Variants in CD8A observed in about 807,000 individuals in gnomAD.
CD8A encodes the protein T-cell surface glycoprotein CD8 alpha chain.
CD8A carries 25 observed loss-of-function variants against 24.2 expected under a neutral mutation model. The ratio of observed to expected loss-of-function variants is 1.03; its 90% CI spans 0.75 to 1.44. The LOEUF (loss-of-function observed/expected upper bound fraction) is 1.44, where lower values mean the gene tolerates loss of function less well. Among genes scored for constraint, CD8A ranks in the 40% most tolerant of loss-of-function variants. The pLI is 0.00. For synonymous variants in CD8A, 165 were observed against 149.9 expected, an observed-to-expected ratio of 1.10 and a Z score of -0.74; for missense variants, 360 against 319.7, an observed-to-expected ratio of 1.13 and a Z score of -0.96.
intron 5 of CD8A, among the ~76,000 whole-genome samples, chr2:86,787,742 G>A (rs1345972482): frequency 6.6e-6 from 1 of 152,204 alleles, no homozygotes; most frequent in Non-Finnish European, 1.5e-5. Flanking sequence ...CCTGAGCCAT[G>A]AGATGGCACA....
chr2:86,792,991 A>G (rs1009092123), upstream of CD8A, among the ~76,000 whole-genome samples: 1 of 151,722 alleles, frequency 6.6e-6, no homozygotes, highest in Non-Finnish European at 1.5e-5. Context: ...CCCTGTCTCA[A>G]CTCTCCTCAC....
Position 86,806,563 on chromosome 2 carries a change from C to G in CD8A, c.-418+884G>C, listed in dbSNP as rs6754318. Among the ~76,000 whole-genome samples, 1,433 of 152,332 alleles carry G rather than the reference C, an allele frequency of 9.4e-3. 29 individuals are homozygous for G. Among genetic ancestry groups the G allele is most frequent in the African/African-American group, 0.032 (1,324 of 41,576 alleles). On this transcript the variant is annotated intron_variant, in intron 2 of 8. Transcript: ENST00000409511. ...AGGAAAAAGAGGAACGAGCTGCTCC[C>G]TCCACACCTCAGACGCTGAGGTCAA...
Position 86,789,549 on chromosome 2 carries a change from C to T in CD8A, c.514+91G>A, listed in dbSNP as rs374001337. On this transcript the variant is annotated intron_variant, in intron 3 of 5. Transcript: ENST00000283635. ...TCGGTTTCCCACCACTTGGACAGCC[C>T]TTGACTCTACCTACAGTATCAGGGC... is the stretch of plus-strand genomic sequence containing the variant. 9.8e-6 allele frequency: 13 copies of T among 1,323,796 alleles called. No individual in the cohort carries two copies. In the African/African-American group the frequency reaches 1.9e-4, roughly 19 times the overall value. The allele number at this position is 1,323,796 out of a possible 1,614,324, so 82.0% of individuals were successfully genotyped here.
chr2:86,792,046 T>C (rs1329146425), upstream of CD8A, among the ~76,000 whole-genome samples: 2 of 152,080 alleles, frequency 1.3e-5, no homozygotes, highest in Admixed American at 6.5e-5. Flanking sequence ...AAAAATAAAA[T>C]AAAATAAAAA....
chr2:86,789,595 C>T (rs1244308009), intron 3 of CD8A, 45 bp downstream of exon 3: 3 of 1,414,246 alleles, frequency 2.1e-6, no homozygotes, highest in Non-Finnish European at 2.9e-6. Flanking sequence ...ATGGGCTCTC[C>T]CCGCGGTGCG....
In CD8A at chr2:86,789,768, C is replaced by A. The variant is rs367776860; in HGVS notation, c.404-18G>T. On this transcript the variant is annotated intron_variant, in intron 2 of 5. Transcript: ENST00000283635. ...GGGCTTCGCTGCAAGAGCAACAGAGCGTGGTTGGGGGCCAGGCTGGGGTTA... is the reference window on the plus strand; with the variant it reads ...GGGCTTCGCTGCAAGAGCAACAGAGAGTGGTTGGGGGCCAGGCTGGGGTTA... 3.6e-4 allele frequency: 474 copies of A among 1,331,522 alleles called. 2 individuals carry two copies. The highest frequency in any genetic ancestry group is 2.8e-3 in the African/African-American group (181 of 64,962). The allele number at this position is 1,331,522 out of a possible 1,614,324, so 82.5% of individuals were successfully genotyped here. A position where few individuals can be genotyped will look rare whatever the true frequency, so the allele number is the denominator to read the frequency against.
chr2:86,788,046 C>G (rs1055077849), intron 5 of CD8A, among the ~76,000 whole-genome samples: 5 of 151,946 alleles, frequency 3.3e-5, no homozygotes, highest in African/African-American at 1.2e-4. Context: ...TCCTACATGA[C>G]ACAGAGAAGT....
chr2:86,800,338 T>A (rs1673628624), intron 3 of CD8A, among the ~76,000 whole-genome samples: 1 of 150,824 alleles, frequency 6.6e-6, no homozygotes, highest in Non-Finnish European at 1.5e-5. Flanking sequence ...GGCAAGCGCC[T>A]GTAATCCCAG....
intron 4 of CD8A, among the ~76,000 whole-genome samples, 173 bp from the exon 5 acceptor site, chr2:86,788,733 C>T (rs1673127793): frequency 6.6e-6 from 1 of 152,164 alleles, no homozygotes; most frequent in Admixed American, 6.5e-5. Context: ...GGAATTGCCT[C>T]TACGAATTCT....
upstream of CD8A, chr2:86,791,683 C>G (rs534968901): frequency 2.2e-6 from 1 of 453,834 alleles, no homozygotes; most frequent in South Asian, 1.6e-5. Flanking sequence ...GGAAATTCAA[C>G]CCCCAGCTTG....
At chr2:86,799,825 G>C (rs573280607) in intron 3 of CD8A, among the ~76,000 whole-genome samples, 21 of 152,114 alleles carry the variant, frequency 1.4e-4, no homozygotes, top group Non-Finnish European at 2.8e-4. Flanking sequence ...GCAGGCTTTG[G>C]GGCCTCATCC....
intron 3 of CD8A, among the ~76,000 whole-genome samples, chr2:86,801,324 T>C (rs1211667117): frequency 1.3e-5 from 2 of 150,584 alleles, no homozygotes; most frequent in Non-Finnish European, 3.0e-5. Context: ...CCCGCTCTCT[T>C]TCTCTCTCTC....
upstream of CD8A, chr2:86,791,055 C>T (rs36227196): frequency 6.5e-4 from 456 of 702,238 alleles, 10 homozygotes; most frequent in South Asian, 6.5e-3. Context: ...TGAATAGGGC[C>T]GTCGAGGCAG....
At chr2:86,792,438 T>C (rs1019694469), upstream of CD8A, among the ~76,000 whole-genome samples, 12 of 152,188 alleles carry the variant, frequency 7.9e-5, no homozygotes, top group Non-Finnish European at 1.3e-4. Context: ...TTGAACTGCA[T>C]TCTCCTTGTC....
At position 86,788,510 on chromosome 2, in the gene CD8A, T is replaced by TGA. The variant is rs10684959; in HGVS notation, c.656+18_656+19dup. 0.81 allele frequency: 1,296,287 copies of TGA among 1,604,790 alleles called. 526,822 individuals are homozygous for TGA. The highest frequency in any genetic ancestry group is 0.98 in the East Asian group (43,805 of 44,794). ...CCAGGGCTGGCCAAGGTGAGCAGGC[T>TGA]GAGTTCAAAAGAGACTCACCGGGGA... On this transcript the variant is annotated intron_variant, in intron 5 of 5. Coordinates refer to ENST00000283635, the MANE Select transcript of CD8A (RefSeq NM_001768.7).
In CD8A at chr2:86,790,514, G is replaced by C. The variant is rs778769116; in HGVS notation, c.217C>G (p.Leu73Val). 38 of 1,613,958 alleles carry C rather than the reference G, an allele frequency of 2.4e-5. No homozygotes were observed. Among genetic ancestry groups the C allele is most frequent in the Non-Finnish European group, 3.1e-5 (37 of 1,180,022 alleles). The change falls in exon 2 of 6, where the codon CTC becomes GTC. Residue 73 changes from leucine (L) to valine (V), a missense_variant. By Grantham distance (32) the Leu-to-Val change is conservative. Coordinates refer to ENST00000283635, the MANE Select transcript of CD8A (RefSeq NM_001768.7). Reference protein sequence around the residue: ...AAASPTFLLYLSQNKPKAAEG... With the variant: ...AAASPTFLLYVSQNKPKAAEG... ...GCCGCCTTGGGCTTGTTTTGGGAGA[G>C]GTATAGGAGGAAGGTGGGACTGGCG... is the stretch of plus-strand genomic sequence containing the variant.
chr2:86,788,998 G>A (rs1403998780), intron 4 of CD8A, among the ~76,000 whole-genome samples: 4 of 152,140 alleles, frequency 2.6e-5, no homozygotes, highest in Non-Finnish European at 5.9e-5. Flanking sequence ...CACTTGACTC[G>A]GCCACAGCGG....
upstream of CD8A, among the ~76,000 whole-genome samples, chr2:86,792,802 G>A (rs1288659948): frequency 5.4e-5 from 8 of 149,360 alleles, no homozygotes; most frequent in Non-Finnish European, 1.2e-4. Context: ...GGGCCTGGAT[G>A]GGCTTTTTTT....
chr2:86,786,848 G>A (rs1461319041), intron 5 of CD8A, among the ~76,000 whole-genome samples: 4 of 151,318 alleles, frequency 2.6e-5, no homozygotes, highest in East Asian at 2.0e-4. Flanking sequence ...GTGAAACCCC[G>A]TCTCTACTAA....
Sources: allele counts gnomAD v4.1 joint callset (sites outside exome capture counted in the v4.1 genomes callset), GRCh38; gene constraint gnomAD v4.1.1; transcripts MANE v1.5; gene names NCBI Gene and HGNC (gene_info 2026-07-23, HGNC 2026-07-21).